The following PLEKHM3 variants were observed in gnomAD, a reference collection of about 807,000 sequenced individuals.
The protein encoded by PLEKHM3 is pleckstrin homology domain containing M3.
A neutral mutation model predicts 81.8 loss-of-function variants in PLEKHM3; 45 were observed. The ratio of observed to expected loss-of-function variants is 0.55; its 90% CI spans 0.43 to 0.71. PLEKHM3 has a LOEUF of 0.71. Among genes scored for constraint, PLEKHM3 ranks in the 30% least tolerant of loss-of-function variants. The pLI is 0.00. For synonymous variants in PLEKHM3, 352 were observed against 356.4 expected (o/e 0.99, Z 0.14); for missense variants, 788 against 924.3 (o/e 0.85, Z 1.91).
At chr2:208,023,642 A>G (rs1212801482) in intron 1 of PLEKHM3, among the ~76,000 whole-genome samples, 1 of 152,088 alleles carries the variant, frequency 6.6e-6, no homozygotes, top group Non-Finnish European at 1.5e-5. Context: ...ATGAGAATCT[A>G]ACTAATGCCT....
chr2:207,832,904 G>A (rs1374440191), intron 7 of PLEKHM3, among the ~76,000 whole-genome samples: 2 of 151,556 alleles, frequency 1.3e-5, no homozygotes, highest in Non-Finnish European at 2.9e-5. Flanking sequence ...CTGAGGTCAG[G>A]AGATCAAGAC....
At chr2:208,007,286 T>C (rs1050244274) in intron 1 of PLEKHM3, among the ~76,000 whole-genome samples, 11 of 152,162 alleles carry the variant, frequency 7.2e-5, no homozygotes, top group African/African-American at 2.7e-4. Context: ...TGGTTGAAGG[T>C]TGTGGCCGAC....
intron 6 of PLEKHM3, among the ~76,000 whole-genome samples, chr2:207,864,935 T>C (rs2092487389): frequency 6.6e-6 from 1 of 152,222 alleles, no homozygotes; most frequent in Admixed American, 6.5e-5. Flanking sequence ...GGTTAAACTT[T>C]TGTATATTTT....
Position 207,984,581 on chromosome 2 carries a change from A to G in PLEKHM3, c.611-6995T>C, listed in dbSNP as rs1653692197. Among the ~76,000 whole-genome samples, 3 of 152,082 alleles carry G rather than the reference A, an allele frequency of 2.0e-5. 1 individual carries two copies. The South Asian group carries it at 6.2e-4, about 31-fold the overall frequency. ...TTTTTAGTAGAGACAGAGTTTCACC[A>G]TGTTGGTCAGGCTGGTCTCAAATTC... On this transcript the variant is annotated intron_variant, in intron 2 of 7. Transcript: ENST00000427836.
At chr2:207,869,189 C>A (rs1157254056) in intron 6 of PLEKHM3, among the ~76,000 whole-genome samples, 1 of 152,148 alleles carries the variant, frequency 6.6e-6, no homozygotes, top group African/African-American at 2.4e-5. Context: ...CATTAGAAGG[C>A]TGGTAGTTTT....
chr2:208,003,812 C>T (rs13409861), intron 1 of PLEKHM3, among the ~76,000 whole-genome samples: 3,228 of 152,100 alleles, frequency 0.021, 115 homozygotes, highest in African/African-American at 0.073. Flanking sequence ...ATACCAGAGA[C>T]GGAAATATAC....
At chr2:207,925,440 A>C (rs947309396) in intron 5 of PLEKHM3, among the ~76,000 whole-genome samples, 4 of 151,818 alleles carry the variant, frequency 2.6e-5, no homozygotes, top group Admixed American at 6.6e-5. Context: ...GATCTGCTTA[A>C]AATAAAAGTT....
intron 6 of PLEKHM3, among the ~76,000 whole-genome samples, chr2:207,862,960 C>T (rs1163131798): frequency 1.3e-5 from 2 of 152,104 alleles, no homozygotes; most frequent in African/African-American, 2.4e-5. Flanking sequence ...GCTTTGGGTC[C>T]CACAAAGATG....
intron 6 of PLEKHM3, chr2:207,869,084 G>A (rs2092518465): frequency 6.6e-6 from 1 of 152,158 alleles, no homozygotes. Flanking sequence ...TGGAAATTGT[G>A]TCTTACTCCT....
intron 5 of PLEKHM3, among the ~76,000 whole-genome samples, chr2:207,927,515 C>CAA (rs527604593): frequency 1.0e-3 from 72 of 69,938 alleles, no homozygotes; most frequent in African/African-American, 3.1e-3. Flanking sequence ...GACTCTGTCT[C>CAA]AAAAAAAAAA....
At chr2:207,863,961 TTA>T (rs767326628) in intron 6 of PLEKHM3, among the ~76,000 whole-genome samples, 15 of 149,152 alleles carry the variant, frequency 1.0e-4, no homozygotes, top group African/African-American at 7.3e-5. Flanking sequence ...TATACAAAGT[TTA>T]TATATATATA....
At chr2:208,005,860 A>C (rs745310341) in intron 1 of PLEKHM3, among the ~76,000 whole-genome samples, 6 of 152,224 alleles carry the variant, frequency 3.9e-5, no homozygotes, top group Non-Finnish European at 5.9e-5. Flanking sequence ...GTCGCATTGC[A>C]TAAGAGATAG....
At chr2:207,975,582 C>CTT (rs11350409) in intron 3 of PLEKHM3, among the ~76,000 whole-genome samples, 2,488 of 63,068 alleles carry the variant, frequency 0.039, 531 homozygotes, top group African/African-American at 0.14. Context: ...GTTTTAAAAG[C>CTT]TTTTTTTTTT....
In PLEKHM3 at chr2:207,826,657, T is replaced by A. The variant is rs76920076; in HGVS notation, c.*1662A>T. 8.5e-5 allele frequency: 13 copies of A among 152,202 alleles called. No individual in the cohort carries two copies. The highest frequency in any genetic ancestry group is 2.4e-4 in the African/African-American group (10 of 41,432). 9.4% of individuals were successfully genotyped at this position (152,202 alleles called of 1,614,324 possible). A position where few individuals can be genotyped will look rare whatever the true frequency, so the allele number is the denominator to read the frequency against. The stretch of plus-strand genomic sequence containing the variant: ...CAGTCTGAAATGTCACATCTCTAGA[T>A]GGATGGAAGTATCATGAGTTGGGGT... On this transcript the variant is annotated 3_prime_UTR_variant, in exon 8 of 8. Transcript: ENST00000427836.
intron 1 of PLEKHM3, among the ~76,000 whole-genome samples, chr2:208,018,872 C>T (rs1047565430): frequency 2.6e-5 from 4 of 152,106 alleles, no homozygotes; most frequent in East Asian, 1.9e-4. Context: ...CACACCCACT[C>T]CCACCTCAAC....
Position 207,931,041 on chromosome 2 carries a change from G to A in PLEKHM3, c.1771C>T (p.Leu591=), listed in dbSNP as rs767092479. Reference sequence around the variant, plus strand: ...GCCAGCGGCTCTGCGTGGTGGTACAGCATGGCGTTCTCCTGCTGGATGTCG... The same window carrying A: ...GCCAGCGGCTCTGCGTGGTGGTACAACATGGCGTTCTCCTGCTGGATGTCG... ...LIDIQQENAM[L]YHHAEPLAAV... Residue 591 remains leucine, a synonymous_variant, in exon 5 of 8, where the codon CTG becomes TTG. Coordinates refer to ENST00000427836, the MANE Select transcript of PLEKHM3 (RefSeq NM_001080475.3). 6.2e-7 allele frequency: 1 copy of A among 1,614,098 alleles called. No individual in the cohort carries two copies. The highest frequency in any genetic ancestry group is 1.1e-5 in the South Asian group (1 of 91,076).
At chr2:207,861,301 G>A (rs368137480) in intron 6 of PLEKHM3, 39 bp from the exon 7 acceptor site, 68 of 1,597,292 alleles carry the variant, frequency 4.3e-5, no homozygotes, top group Non-Finnish European at 5.6e-5. Context: ...CACATTTATT[G>A]AGAACAGAAG....
At chr2:207,870,301 A>T (rs1223982872) in intron 6 of PLEKHM3, among the ~76,000 whole-genome samples, 1 of 152,206 alleles carries the variant, frequency 6.6e-6, no homozygotes, top group Non-Finnish European at 1.5e-5. Flanking sequence ...GCATTGGCTA[A>T]TTCCTTCCCT....
At chr2:207,977,631 A>G in intron 2 of PLEKHM3, 45 bp from the exon 3 acceptor site, 2 of 1,511,218 alleles carry the variant, frequency 1.3e-6, no homozygotes, top group Non-Finnish European at 1.8e-6. Context: ...AATTAGTTAT[A>G]AGAAGGCAGG....
Sources: allele counts gnomAD v4.1 joint callset (sites outside exome capture counted in the v4.1 genomes callset), GRCh38; gene constraint gnomAD v4.1.1; transcripts MANE v1.5; gene names NCBI Gene and HGNC (gene_info 2026-07-23, HGNC 2026-07-21).